Variants in RBPMS observed in about 807,000 individuals in gnomAD.
The protein encoded by RBPMS is RNA-binding protein with multiple splicing.
RBPMS carries 7 observed loss-of-function variants against 26.8 expected under a neutral mutation model. That is an observed-to-expected ratio of 0.26 (90% CI 0.15 to 0.49). The LOEUF is 0.49. RBPMS is among the 20% of genes least tolerant of loss of function. The pLI, the probability that RBPMS is intolerant of heterozygous loss-of-function variation, is 0.98. For synonymous variants in RBPMS, 96 were observed against 93.3 expected (o/e 1.03, Z -0.17); for missense variants, 186 against 250.0 (o/e 0.74, Z 1.73).
At chr8:30,543,456 G>C (rs1192435859) in intron 5 of RBPMS, among the ~76,000 whole-genome samples, 1 of 152,162 alleles carries the variant, frequency 6.6e-6, no homozygotes, top group Non-Finnish European at 1.5e-5. Flanking sequence ...CTCAGGGAAA[G>C]TACTGAATGG....
At chr8:30,559,729 C>T (rs533190509) in intron 7 of RBPMS, among the ~76,000 whole-genome samples, 22 of 152,290 alleles carry the variant, frequency 1.4e-4, no homozygotes, top group African/African-American at 5.3e-4. Context: ...TCTTGGTTTA[C>T]ACAGTTCCTT....
chr8:30,493,858 C>T (rs767834160), intron 4 of RBPMS, among the ~76,000 whole-genome samples: 2 of 152,128 alleles, frequency 1.3e-5, no homozygotes, highest in African/African-American at 2.4e-5. Flanking sequence ...TTGCGTTTAT[C>T]GCTTCTTCAA....
chr8:30,508,480 C>T (rs1430273226), intron 5 of RBPMS, among the ~76,000 whole-genome samples: 4 of 152,072 alleles, frequency 2.6e-5, no homozygotes, highest in Admixed American at 2.6e-4. Flanking sequence ...TAATTAGGGC[C>T]ACAGAGTCAG....
chr8:30,426,051 T>TAATTA (rs1454544359), intron 1 of RBPMS, among the ~76,000 whole-genome samples: 5 of 152,204 alleles, frequency 3.3e-5, no homozygotes, highest in Non-Finnish European at 7.3e-5. Context: ...CCTGAAAAGT[T>TAATTA]ACTTACAGTC....
At chr8:30,518,420 GTTAT>G (rs543639993) in intron 5 of RBPMS, among the ~76,000 whole-genome samples, 6 of 151,314 alleles carry the variant, frequency 4.0e-5, no homozygotes, top group African/African-American at 1.2e-4. Flanking sequence ...TCATTCATTG[GTTAT>G]TTATTTATTT....
In RBPMS at chr8:30,559,713, G is replaced by A. The variant is rs75440706; in HGVS notation, c.*7+757G>A. 4.7e-4 allele frequency among the ~76,000 whole-genome samples: 72 copies of A among 152,320 alleles called. 2 individuals are homozygous for A. The East Asian group carries it at 0.011, about 24-fold the overall frequency. On this transcript the variant is annotated intron_variant, in intron 7 of 8. Coordinates refer to ENST00000397323, the MANE Select transcript of RBPMS (RefSeq NM_001008710.3). ...TTAGAATGTTTTAGTTCCACCATCA[G>A]TCTTCTCTTGGTTTACACAGTTCCT... is the stretch of plus-strand genomic sequence containing the variant.
intron 4 of RBPMS, 112 bp from the exon 5 acceptor site, chr8:30,504,174 G>T: frequency 9.3e-7 from 1 of 1,071,130 alleles, no homozygotes. Flanking sequence ...GAGAGTGGTT[G>T]CTGACCTTTT....
intron 1 of RBPMS, among the ~76,000 whole-genome samples, chr8:30,438,453 T>C (rs1812718986): frequency 6.6e-6 from 1 of 152,202 alleles, no homozygotes; most frequent in African/African-American, 2.4e-5. Flanking sequence ...ACGTGAAACT[T>C]GTGACTTGAT....
At chr8:30,425,220 C>CA (rs1395734023) in intron 1 of RBPMS, among the ~76,000 whole-genome samples, 3 of 151,934 alleles carry the variant, frequency 2.0e-5, no homozygotes, top group East Asian at 1.9e-4. Context: ...GCCTCTCACT[C>CA]AAAGTGCTGA....
At chr8:30,495,389 A>G (rs1215925063) in intron 4 of RBPMS, among the ~76,000 whole-genome samples, 1 of 152,084 alleles carries the variant, frequency 6.6e-6, no homozygotes. Flanking sequence ...TCAAGCGAGA[A>G]ACTGTGCCCA....
rs567006161 is a variant in RBPMS at position 30,571,415 on chromosome 8, T to C, written c.*890T>C. The C allele has an allele frequency of 4.6e-5, 7 of 152,438 alleles. No homozygotes were observed. Among genetic ancestry groups the C allele is most frequent in the South Asian group, 2.1e-4 (1 of 4,824 alleles). The allele number at this position is 152,438 out of a possible 1,614,324, so 9.4% of individuals were successfully genotyped here. ...CTACCTTCCACAAGCCAGCCCCGCATCCCTGCTCCCGCAGTGTAAGTGCAG... is the reference window on the plus strand; with the variant it reads ...CTACCTTCCACAAGCCAGCCCCGCACCCCTGCTCCCGCAGTGTAAGTGCAG... On this transcript the variant is annotated 3_prime_UTR_variant, in exon 9 of 9. Coordinates refer to ENST00000397323, the MANE Select transcript of RBPMS (RefSeq NM_001008710.3).
intron 4 of RBPMS, among the ~76,000 whole-genome samples, chr8:30,493,032 C>T (rs900120517): frequency 2.0e-5 from 3 of 152,132 alleles, no homozygotes; most frequent in African/African-American, 4.8e-5. Context: ...AATACAAGGA[C>T]GTGCTTTGTT....
chr8:30,481,122 G>T (rs1029099138), intron 4 of RBPMS, among the ~76,000 whole-genome samples: 8 of 152,136 alleles, frequency 5.3e-5, no homozygotes, highest in African/African-American at 1.7e-4. Context: ...TAACTGAAGG[G>T]TTTTGTTTGT....
At chr8:30,489,588 G>A (rs1022584453) in intron 4 of RBPMS, among the ~76,000 whole-genome samples, 36 of 151,848 alleles carry the variant, frequency 2.4e-4, no homozygotes, top group Non-Finnish European at 4.3e-4. Context: ...GGGATTACAG[G>A]CGCGCGCCGC....
At chr8:30,421,248 G>A (rs1194987705) in intron 1 of RBPMS, among the ~76,000 whole-genome samples, 1 of 152,124 alleles carries the variant, frequency 6.6e-6, no homozygotes. Context: ...AGCATCTAGG[G>A]TGGAGCTAAG....
intron 5 of RBPMS, among the ~76,000 whole-genome samples, chr8:30,540,041 G>A (rs1825221517): frequency 1.3e-5 from 2 of 152,248 alleles, no homozygotes; most frequent in African/African-American, 4.8e-5. Flanking sequence ...GGTGCAGGAT[G>A]TGGTGGAGCA....
At chr8:30,518,672 C>T (rs943939617) in intron 5 of RBPMS, among the ~76,000 whole-genome samples, 2 of 106,582 alleles carry the variant, frequency 1.9e-5, no homozygotes, top group Non-Finnish European at 3.8e-5. Flanking sequence ...CAGTGATCCG[C>T]CCGGCCAAGC....
chr8:30,518,743 C>G (rs983671739), intron 5 of RBPMS, among the ~76,000 whole-genome samples: 1 of 87,778 alleles, frequency 1.1e-5, no homozygotes, highest in African/African-American at 4.5e-5. Context: ...TTTTAGCTGT[C>G]ATTTAATTGA....
At chr8:30,550,138 G>T (rs1395047640) in intron 6 of RBPMS, among the ~76,000 whole-genome samples, 5 of 152,280 alleles carry the variant, frequency 3.3e-5, no homozygotes, top group Admixed American at 3.3e-4. Context: ...GCGCCTGGGG[G>T]CGATTTCTAT....
Sources: gnomAD v4.1 joint callset for allele counts (sites outside exome capture counted in the v4.1 genomes callset) on GRCh38, gnomAD v4.1.1 for gene constraint, MANE v1.5 for transcripts, NCBI Gene and HGNC (gene_info 2026-07-23, HGNC 2026-07-21) for gene names.